The following ZNF106 variants were observed in gnomAD, a reference collection of about 807,000 sequenced individuals.
ZNF106 encodes SH3-domain binding protein 3.
ZNF106 carries 67 observed loss-of-function variants against 195.1 expected under a neutral mutation model. The ratio of observed to expected loss-of-function variants is 0.34; its 90% CI spans 0.28 to 0.42. ZNF106 has a LOEUF of 0.42. ZNF106 is among the 10% of genes least tolerant of loss of function. ZNF106 has a pLI of 1.00. For missense variants in ZNF106, 2,118 were observed against 2,304.5 expected (o/e 0.92, Z 1.66); for synonymous variants, 784 against 818.6 (o/e 0.96, Z 0.72).
chr15:42,421,189 C>G (rs1222206452), intron 19 of ZNF106, 57 bp from the exon 20 acceptor site: 1 of 1,512,050 alleles, frequency 6.6e-7, no homozygotes, highest in African/African-American at 1.4e-5. Flanking sequence ...TACAAAACAC[C>G]CTCAAAACAA....
At position 42,415,875 on chromosome 15, in the gene ZNF106, T is replaced by C. The variant is rs984128764; in HGVS notation, c.*1429A>G. 1 of 153,072 alleles carries C rather than the reference T, an allele frequency of 6.5e-6. No homozygotes were observed. Among genetic ancestry groups the C allele is most frequent in the Non-Finnish European group, 1.5e-5 (1 of 68,890 alleles). 9.5% of individuals were successfully genotyped at this position (153,072 alleles called of 1,614,324 possible). On this transcript the variant is annotated 3_prime_UTR_variant, in exon 22 of 22. Coordinates refer to ENST00000564754, the MANE Select transcript of ZNF106 (RefSeq NM_001366845.3). The stretch of plus-strand genomic sequence containing the variant: ...GCCTCAGCCTCCTGAGCAGCTGGGA[T>C]TACAGGCGCCCACCACGCCCGGCTT...
In ZNF106 at chr15:42,448,548, T is replaced by C; in HGVS notation, c.2659A>G (p.Ser887Gly). The C allele has an allele frequency of 1.2e-6, 2 of 1,614,146 alleles. No homozygotes were observed. The highest frequency in any genetic ancestry group is 1.1e-5 in the South Asian group (1 of 91,080). Residue 887 changes from serine (S) to glycine (G), a missense_variant, in exon 6 of 22, where the codon AGC becomes GGC. Physicochemically the swap from Ser to Gly is moderately conservative, Grantham distance 56 (BLOSUM62 0). Coordinates refer to ENST00000564754, the MANE Select transcript of ZNF106 (RefSeq NM_001366845.3). ...LARKRSLSESSVIMDRAPSVY... is the reference protein window; with the variant it reads ...LARKRSLSESGVIMDRAPSVY... The stretch of plus-strand genomic sequence containing the variant: ...GAAGGAGCTCTGTCCATGATCACGC[T>C]GCTCTCAGAAAGGCTTCGCTTTCTT...
chr15:42,431,891 GGCAT>G (rs1262639694), intron 14 of ZNF106, among the ~76,000 whole-genome samples: 1 of 152,164 alleles, frequency 6.6e-6, no homozygotes, highest in Non-Finnish European at 1.5e-5. Flanking sequence ...TGGGATTACA[GGCAT>G]GAGCCACCAC....
In ZNF106 at chr15:42,439,830, A is replaced by T. The variant is rs781090950; in HGVS notation, c.3764-17T>A. ...TGATCTCTCCTGAATTGAGAGGAAA[A>T]AAATTATTGCATCCTTTTTTGTGTT... On this transcript the variant is annotated splice_polypyrimidine_tract_variant and intron_variant, in intron 10 of 21. Coordinates refer to ENST00000564754, the MANE Select transcript of ZNF106 (RefSeq NM_001366845.3). The T allele has an allele frequency of 6.7e-7, 1 of 1,497,204 alleles. No individual in the cohort carries two copies. The highest frequency in any genetic ancestry group is 8.9e-7 in the Non-Finnish European group (1 of 1,127,956). 92.7% of individuals were successfully genotyped at this position (1,497,204 alleles called of 1,614,324 possible).
Position 42,430,599 on chromosome 15 carries a change from G to C in ZNF106, c.4882-2465C>G, listed in dbSNP as rs574809936. Among the ~76,000 whole-genome samples, 28 of 151,974 alleles carry C rather than the reference G, an allele frequency of 1.8e-4. No homozygotes were observed. In the South Asian group the frequency reaches 5.8e-3, roughly 32 times the overall value. The stretch of plus-strand genomic sequence containing the variant: ...GAGGTCTCGCCATGTTGCCTAGGCT[G>C]TTCTTGAACTCCTGGGCTCAAGCGA... On this transcript the variant is annotated intron_variant, in intron 14 of 21. Transcript: ENST00000564754.
At chr15:42,470,519 A>T (rs1398792248) in intron 2 of ZNF106, among the ~76,000 whole-genome samples, 2 of 152,180 alleles carry the variant, frequency 1.3e-5, no homozygotes, top group Non-Finnish European at 2.9e-5. Flanking sequence ...TTTTTTTAAA[A>T]AAAAGGAAAA....
At chr15:42,482,526 T>G (rs964996498) in intron 1 of ZNF106, among the ~76,000 whole-genome samples, 3 of 135,186 alleles carry the variant, frequency 2.2e-5, no homozygotes, top group Non-Finnish European at 3.2e-5. Flanking sequence ...TCTCCAGTTT[T>G]TTTTTTTTTT....
intron 9 of ZNF106, among the ~76,000 whole-genome samples, chr15:42,442,788 GTTA>G (rs1419888543): frequency 1.3e-5 from 2 of 149,964 alleles, no homozygotes; most frequent in Non-Finnish European, 3.0e-5. Context: ...AGCTATTATT[GTTA>G]TTATTTTTTT....
At position 42,414,486 on chromosome 15, in the gene ZNF106, A is replaced by G. The variant is rs558973063; in HGVS notation, c.*2818T>C. On this transcript the variant is annotated 3_prime_UTR_variant, in exon 22 of 22. Transcript: ENST00000564754. Reference sequence around the variant, plus strand: ...AAATGAAGAAAAATATGACAAACACAGGTTCCCACACGTACACATACATAC... The same window carrying G: ...AAATGAAGAAAAATATGACAAACACGGGTTCCCACACGTACACATACATAC... 1 of 152,368 alleles carries G rather than the reference A, an allele frequency of 6.6e-6. No individual in the cohort carries two copies. Among genetic ancestry groups the G allele is most frequent in the East Asian group, 1.9e-4 (1 of 5,186 alleles). 9.4% of individuals were successfully genotyped at this position (152,368 alleles called of 1,614,324 possible). A position where few individuals can be genotyped will look rare whatever the true frequency, so the allele number is the denominator to read the frequency against.
chr15:42,471,062 TAC>T (rs1180090545), intron 2 of ZNF106, among the ~76,000 whole-genome samples: 2 of 152,216 alleles, frequency 1.3e-5, no homozygotes, highest in African/African-American at 4.8e-5. Context: ...AATTACAAAT[TAC>T]AGTCCTGCTA....
rs1021111625 is a variant in ZNF106, at chr15:42,477,697, G to A, written c.-32-5376C>T. On this transcript the variant is annotated intron_variant, in intron 1 of 21. Coordinates refer to ENST00000564754, the MANE Select transcript of ZNF106 (RefSeq NM_001366845.3). The stretch of plus-strand genomic sequence containing the variant: ...TGAGGTCAGGAGTTCCAAGACCAGC[G>A]TGACCAACATGGTGAAACCCCATCT... 3.3e-5 allele frequency among the ~76,000 whole-genome samples: 5 copies of A among 152,096 alleles called. No homozygotes were observed. The East Asian group carries it at 5.8e-4, about 18-fold the overall frequency.
At position 42,450,431 on chromosome 15, in the gene ZNF106, T is replaced by C; in HGVS notation, c.1841A>G (p.Asp614Gly). The C allele has an allele frequency of 6.2e-7, 1 of 1,614,188 alleles. No homozygotes were observed. Among genetic ancestry groups the C allele is most frequent in the Non-Finnish European group, 8.5e-7 (1 of 1,180,038 alleles). ...FQVHALEDESDGETSDTEKHG... is the reference protein window; with the variant it reads ...FQVHALEDESGGETSDTEKHG... ...CTTTTCCGTGTCAGATGTCTCTCCA[T>C]CACTTTCATCTTCTAGTGCGTGCAC... The change falls in exon 5 of 22, where the codon GAT becomes GGT. Residue 614 changes from aspartate to glycine, a missense_variant. By Grantham distance (94) the Asp-to-Gly change is moderately conservative. Coordinates refer to ENST00000564754, the MANE Select transcript of ZNF106 (RefSeq NM_001366845.3).
rs1162794181 is a variant in ZNF106, at chr15:42,448,683, G to A, written c.2524C>T (p.Leu842Phe). The A allele has an allele frequency of 5.0e-6, 8 of 1,605,650 alleles. No individual in the cohort carries two copies. The highest frequency in any genetic ancestry group is 2.2e-5 in the East Asian group (1 of 44,836). ...AAGGCTTCTTGTTCATTTTGAACAA[G>A]GGGTACCATTTCTATGCCAAACCTT... ...LPRFGIEMVP[L>F]VQNEQEALDL... The change falls in exon 6 of 22, where the codon CTT becomes TTT. Residue 842 changes from leucine (L) to phenylalanine (F), a missense_variant. Physicochemically the swap from Leu to Phe is conservative, Grantham distance 22. Coordinates refer to ENST00000564754, the MANE Select transcript of ZNF106 (RefSeq NM_001366845.3).
At chr15:42,457,712 AC>A (rs1297105379) in intron 3 of ZNF106, among the ~76,000 whole-genome samples, 8 of 152,234 alleles carry the variant, frequency 5.3e-5, no homozygotes, top group Admixed American at 5.2e-4. Context: ...GTCCAGGCAA[AC>A]TTTTTTGGTC....
rs564352202 is a variant in ZNF106, at chr15:42,468,471, G to A, written c.55-2357C>T. 3.0e-4 allele frequency among the ~76,000 whole-genome samples: 45 copies of A among 151,964 alleles called. No individual in the cohort carries two copies. In the East Asian group the frequency reaches 7.4e-3, roughly 25 times the overall value. ...TTCATAAGGAGAGAGTAGGCCAGGT[G>A]CGGTGGCTCACGCCTATAATCCCAG... On this transcript the variant is annotated intron_variant, in intron 2 of 21. Transcript: ENST00000564754.
rs1162190175 is a variant in ZNF106 at position 42,450,364 on chromosome 15, T to C, written c.1908A>G (p.Glu636=). 3 of 1,614,186 alleles carry C rather than the reference T, an allele frequency of 1.9e-6. No homozygotes were observed. The highest frequency in any genetic ancestry group is 1.1e-5 in the South Asian group (1 of 91,088). Residue 636 remains glutamate (E), a synonymous_variant, in exon 5 of 22, where the codon GAA becomes GAG. Transcript: ENST00000564754. Reference sequence around the variant, plus strand: ...CAGTTCGAGTGCTGCCAGATAACAATTCTGTAGTTGCAGAACCTAGGGTTC... The same window carrying C: ...CAGTTCGAGTGCTGCCAGATAACAACTCTGTAGTTGCAGAACCTAGGGTTC... The part of the protein sequence containing the change: ...KIGTLGSATT[E]LLSGSTRTAD...
In ZNF106 at chr15:42,449,947, A is replaced by T; in HGVS notation, c.2325T>A (p.Asn775Lys). ...TGVHLPEPNL[N>K]SARRIRNISG... The stretch of plus-strand genomic sequence containing the variant: ...TAATATTGCGAATGCGGCGGGCACT[A>T]TTGAGGTTTGGCTCAGGAAGGTGTA... Residue 775 changes from asparagine to lysine, a missense_variant, in exon 5 of 22, where the codon AAT (asparagine) becomes AAA (lysine). Physicochemically the swap from Asn to Lys is moderately conservative, Grantham distance 94. Transcript: ENST00000564754. The T allele has an allele frequency of 6.2e-7, 1 of 1,614,148 alleles. No individual in the cohort carries two copies. The highest frequency in any genetic ancestry group is 8.5e-7 in the Non-Finnish European group (1 of 1,180,020).
At chr15:42,446,498 G>C (rs59908459) in intron 7 of ZNF106, 91 bp downstream of exon 7, 32,524 of 929,948 alleles carry the variant, frequency 0.035, 1,938 homozygotes, top group Admixed American at 0.19. Flanking sequence ...GATTGCTTGA[G>C]CCCAAGAGTT....
rs770051095 is a variant in ZNF106, at chr15:42,451,001, G to A, written c.1271C>T (p.Pro424Leu). The A allele has an allele frequency of 1.1e-5, 18 of 1,614,004 alleles. No homozygotes were observed. The African/African-American group carries it at 1.7e-4, about 16-fold the overall frequency. ...TATTTCTTTTTGTGTTTTCTGTGTT[G>A]GGGAATTACGTGTTTCATCAGTTTG... ...EPQTDETRNSPTQKTQKEIHT... is the reference protein window; with the variant it reads ...EPQTDETRNSLTQKTQKEIHT... Residue 424 changes from proline (P) to leucine (L), a missense_variant, in exon 5 of 22, where the codon CCA becomes CTA. Physicochemically the swap from Pro to Leu is moderately conservative, Grantham distance 98 (BLOSUM62 -3). Transcript: ENST00000564754.
Sources: gnomAD v4.1 joint callset for allele counts (sites outside exome capture counted in the v4.1 genomes callset) on GRCh38, gnomAD v4.1.1 for gene constraint, MANE v1.5 for transcripts, NCBI Gene and HGNC (gene_info 2026-07-23, HGNC 2026-07-21) for gene names.